The following TCTA variants were observed in gnomAD, a reference collection of about 807,000 sequenced individuals.
The protein encoded by TCTA is T cell leukemia translocation altered, also known as T-cell leukemia translocation-altered gene protein.
Under a neutral mutation model 13.5 loss-of-function variants are expected in TCTA, and 13 were observed. That is an observed-to-expected ratio of 0.96 (90% CI 0.63 to 1.53). The LOEUF (loss-of-function observed/expected upper bound fraction) is 1.53, where lower values mean the gene tolerates loss of function less well. Ranked by LOEUF, TCTA falls within the 40% of genes most tolerant of loss-of-function variation. The probability of loss-of-function intolerance (pLI) is 0.00; values close to 1 mark genes in which losing one functional copy is unlikely to be tolerated. For synonymous variants in TCTA, 58 were observed against 59.0 expected (o/e 0.98, Z 0.08); for missense variants, 138 against 131.3 (o/e 1.05, Z -0.25).
chr3:49,413,048 G>C lies in TCTA; in HGVS notation c.215-8G>C, dbSNP rs1394032476. ...CTTCTGCAGCTCTGGATGTGTTTCT[G>C]CCTCCAGGTCTGGGTGGTCAGAATG... On this transcript the variant is annotated splice_region_variant and splice_polypyrimidine_tract_variant and intron_variant, in intron 1 of 2. Transcript: ENST00000273590. 2.5e-6 allele frequency: 4 copies of C among 1,613,908 alleles called. No individual in the cohort carries two copies. Among genetic ancestry groups the C allele is most frequent in the South Asian group, 1.1e-5 (1 of 91,074 alleles).
rs780173259 is a variant in TCTA at position 49,412,576 on chromosome 3, C to G, written c.150C>G (p.Leu50=). 7 of 1,614,122 alleles carry G rather than the reference C, an allele frequency of 4.3e-6. No homozygotes were observed. Among genetic ancestry groups the G allele is most frequent in the Non-Finnish European group, 5.9e-6 (7 of 1,180,058 alleles). Residue 50 remains leucine (L), a synonymous_variant, in exon 1 of 3, where the codon CTC becomes CTG. Coordinates refer to ENST00000273590, the MANE Select transcript of TCTA (RefSeq NM_022171.3). ...TGCTGCTGTGGTTGGTGTTAAGTCT[C>G]CTGGGCATCCAGCTGGCGTGGGGGT... The part of the protein sequence containing the change: ...KLLLLWLVLS[L]LGIQLAWGFY...
chr3:49,416,474 G>A lies in TCTA; in HGVS notation c.*1612G>A, dbSNP rs980731489. ...GATGTGGCTTATTAAACACGGAAGT[G>A]CATCGGTTGTTGTGGTTATTCAGAC... On this transcript the variant is annotated 3_prime_UTR_variant, in exon 3 of 3. Transcript: ENST00000273590. 2 of 308,848 alleles carry A rather than the reference G, an allele frequency of 6.5e-6. No homozygotes were observed. The highest frequency in any genetic ancestry group is 1.3e-5 in the Non-Finnish European group (2 of 156,288). The allele number at this position is 308,848 out of a possible 1,614,324, so 19.1% of individuals were successfully genotyped here.
Position 49,416,293 on chromosome 3 carries a change from C to G in TCTA, c.*1431C>G, listed in dbSNP as rs1559526655. The G allele has an allele frequency of 5.9e-6, 1 of 169,812 alleles. No homozygotes were observed. The highest frequency in any genetic ancestry group is 1.3e-5 in the Non-Finnish European group (1 of 76,814). 10.5% of individuals were successfully genotyped at this position (169,812 alleles called of 1,614,324 possible). A position where few individuals can be genotyped will look rare whatever the true frequency, so the allele number is the denominator to read the frequency against. ...TACTTCCTTCCTGTTGGATATCATA[C>G]TTCCATCTGGCTGCCTTTGCTTAAG... On this transcript the variant is annotated 3_prime_UTR_variant, in exon 3 of 3. Coordinates refer to ENST00000273590, the MANE Select transcript of TCTA (RefSeq NM_022171.3).
At chr3:49,413,228 C>A in intron 2 of TCTA, 118 bp downstream of exon 2, 1 of 1,135,288 alleles carries the variant, frequency 8.8e-7, no homozygotes, top group Non-Finnish European at 1.3e-6. Context: ...GCCTTTGCAG[C>A]AAGCTTCAAG....
chr3:49,412,887 C>T, intron 1 of TCTA, 169 bp from the exon 2 acceptor site: 1 of 740,322 alleles, frequency 1.4e-6, no homozygotes, highest in Non-Finnish European at 2.2e-6. Flanking sequence ...GTCCACCCAT[C>T]ACATTGTATC....
intron 2 of TCTA, 170 bp downstream of exon 2, chr3:49,413,280 G>A: frequency 1.5e-6 from 1 of 664,278 alleles, no homozygotes; most frequent in South Asian, 1.8e-5. Flanking sequence ...GTGACACCAA[G>A]GTCTGGACAG....
intron 2 of TCTA, among the ~76,000 whole-genome samples, chr3:49,414,403 G>A (rs994763679): frequency 6.0e-5 from 9 of 148,984 alleles, no homozygotes; most frequent in African/African-American, 2.0e-4. Flanking sequence ...GTGTGGTGGC[G>A]GGCGCCTGTA....
intron 1 of TCTA, chr3:49,412,853 C>G: frequency 1.4e-6 from 1 of 729,890 alleles, no homozygotes; most frequent in Admixed American, 2.8e-5. Context: ...GCCACCATAC[C>G]ATTTTACGCC....
chr3:49,416,229 C>T lies in TCTA; in HGVS notation c.*1367C>T, dbSNP rs1406265061. The T allele has an allele frequency of 6.2e-6, 1 of 161,216 alleles. No individual in the cohort carries two copies. The highest frequency in any genetic ancestry group is 1.8e-4 in the East Asian group (1 of 5,664). 10.0% of individuals were successfully genotyped at this position (161,216 alleles called of 1,614,324 possible). A position where few individuals can be genotyped will look rare whatever the true frequency, so the allele number is the denominator to read the frequency against. On this transcript the variant is annotated 3_prime_UTR_variant, in exon 3 of 3. Transcript: ENST00000273590. ...TTCCCTCGGGGCCATACTTCTGTTT[C>T]CATCTGCTGGGCCACCAGCCACTTT...
rs141648023 is a variant in TCTA at position 49,413,096 on chromosome 3, G to A, written c.255G>A (p.Thr85=). ...ATGGATCCACGCCTGATGGCTCCAC[G>A]CATTTCCCTTCGTGGTGAGTAAATC... ...GQNGSTPDGS[T]HFPSWEMAAN... Residue 85 remains threonine (T), a synonymous_variant, in exon 2 of 3, where the codon ACG becomes ACA. Coordinates refer to ENST00000273590, the MANE Select transcript of TCTA (RefSeq NM_022171.3). The A allele has an allele frequency of 2.5e-6, 4 of 1,614,140 alleles. No individual in the cohort carries two copies. The highest frequency in any genetic ancestry group is 2.2e-5 in the South Asian group (2 of 91,082).
intron 2 of TCTA, 144 bp downstream of exon 2, chr3:49,413,254 C>A: frequency 1.1e-6 from 1 of 874,046 alleles, no homozygotes. Flanking sequence ...ACGTAGAGCT[C>A]AGGCTTCAAG....
In TCTA at chr3:49,412,437, C is replaced by T. The variant is rs775236156; in HGVS notation, c.11C>T (p.Ser4Phe). 1.2e-6 allele frequency: 2 copies of T among 1,610,330 alleles called. No homozygotes were observed. The highest frequency in any genetic ancestry group is 2.2e-5 in the South Asian group (2 of 91,010). ...GGGCGAGGGCCAGTCATGGCGGAGTCCTGGTCTGGGCAGGCCTTGCAGGCT... is the reference window on the plus strand; with the variant it reads ...GGGCGAGGGCCAGTCATGGCGGAGTTCTGGTCTGGGCAGGCCTTGCAGGCT... Reference protein sequence around the residue: MAESWSGQALQALP... With the variant: MAEFWSGQALQALP... Residue 4 changes from serine (S) to phenylalanine (F), a missense_variant, in exon 1 of 3, where the codon TCC becomes TTC. By Grantham distance (155) the Ser-to-Phe change is radical. Transcript: ENST00000273590.
chr3:49,413,056 G>A lies in TCTA; in HGVS notation c.215G>A (p.Gly72Asp). ...GCTCTGGATGTGTTTCTGCCTCCAG[G>A]TCTGGGTGGTCAGAATGGATCCACG... The part of the protein sequence containing the change: ...NTVTGLYHRP[G>D]LGGQNGSTPD... Residue 72 changes from glycine (G) to aspartate (D), a missense_variant and splice_region_variant, in exon 2 of 3, where the codon GGT becomes GAT. Coordinates refer to ENST00000273590, the MANE Select transcript of TCTA (RefSeq NM_022171.3). 1 of 1,614,116 alleles carries A rather than the reference G, an allele frequency of 6.2e-7. No homozygotes were observed. The highest frequency in any genetic ancestry group is 8.5e-7 in the Non-Finnish European group (1 of 1,180,020).
Position 49,414,843 on chromosome 3 carries a change from T to C in TCTA, c.293T>C (p.Leu98Pro). Reference protein sequence around the residue: ...PSWEMAANEPLKTHRE With the variant: ...PSWEMAANEPPKTHRE ...AGGGAAATGGCAGCAAACGAACCTCTCAAAACCCACAGAGAATAAGGGAAG... is the reference window on the plus strand; with the variant it reads ...AGGGAAATGGCAGCAAACGAACCTCCCAAAACCCACAGAGAATAAGGGAAG... Residue 98 changes from leucine to proline, a missense_variant, in exon 3 of 3, where the codon CTC becomes CCC. Leu to Pro is a moderately conservative substitution (Grantham distance 98, BLOSUM62 -3). Transcript: ENST00000273590. 4 of 1,613,794 alleles carry C rather than the reference T, an allele frequency of 2.5e-6. No individual in the cohort carries two copies. The highest frequency in any genetic ancestry group is 3.4e-6 in the Non-Finnish European group (4 of 1,179,832).
chr3:49,412,811 A>T (rs951171577), intron 1 of TCTA, 171 bp downstream of exon 1: 1 of 844,382 alleles, frequency 1.2e-6, no homozygotes, highest in East Asian at 2.7e-5. Flanking sequence ...AGGTACTTGG[A>T]TGGGAGAACT....
intron 2 of TCTA, among the ~76,000 whole-genome samples, chr3:49,414,098 G>T (rs867971021): frequency 4.3e-4 from 65 of 151,970 alleles, no homozygotes; most frequent in African/African-American, 1.5e-3. Context: ...AAAATTAGCT[G>T]GGCATGGTGG....
At position 49,415,898 on chromosome 3, in the gene TCTA, C is replaced by T. The variant is rs1027183375; in HGVS notation, c.*1036C>T. The T allele has an allele frequency of 1.3e-5, 2 of 152,268 alleles. No individual in the cohort carries two copies. Among genetic ancestry groups the T allele is most frequent in the Non-Finnish European group, 2.9e-5 (2 of 68,088 alleles). 9.4% of individuals were successfully genotyped at this position (152,268 alleles called of 1,614,324 possible). ...GACAGCTGAACCCCTGGGGTAGCCT[C>T]CTATCCACCACTGCTTAAGTGCCTA... On this transcript the variant is annotated 3_prime_UTR_variant, in exon 3 of 3. Transcript: ENST00000273590.
intron 1 of TCTA, 110 bp downstream of exon 1, chr3:49,412,750 T>C (rs2107924136): frequency 9.9e-6 from 13 of 1,313,614 alleles, no homozygotes; most frequent in Non-Finnish European, 1.4e-5. Flanking sequence ...GAACTTAACA[T>C]TGGTTCACGG....
chr3:49,412,735 C>G, intron 1 of TCTA, 95 bp downstream of exon 1: 1 of 1,416,886 alleles, frequency 7.1e-7, no homozygotes, highest in Non-Finnish European at 9.8e-7. Flanking sequence ...GCAAGAGGCT[C>G]ATCAGAACTT....
Sources: allele counts gnomAD v4.1 joint callset (sites outside exome capture counted in the v4.1 genomes callset), GRCh38; gene constraint gnomAD v4.1.1; transcripts MANE v1.5; gene names NCBI Gene and HGNC (gene_info 2026-07-23, HGNC 2026-07-21).